Variants in PTK2B observed in about 807,000 individuals in gnomAD.
PTK2B encodes the protein protein tyrosine kinase 2 beta, also known as protein-tyrosine kinase 2-beta.
Under a neutral mutation model 142.9 loss-of-function variants are expected in PTK2B, and 71 were observed. The ratio of observed to expected loss-of-function variants is 0.50; its 90% confidence interval spans 0.41 to 0.61. The LOEUF is 0.61. Among genes scored for constraint, PTK2B ranks in the 20% least tolerant of loss-of-function variants. PTK2B has a pLI of 0.00. For missense variants in PTK2B, 1,105 were observed against 1,320.4 expected, an observed-to-expected ratio of 0.84 and a Z score of 2.53; for synonymous variants, 519 against 503.4, an observed-to-expected ratio of 1.03 and a Z score of -0.42.
In PTK2B at chr8:27,358,896, AT is replaced by A. The variant is rs576578508; in HGVS notation, c.-38+33218del. ...TTTTAATTTTTTAACACATACTTGAATTTAAGGTCTAACATTAATCAATATC... is the reference window on the plus strand; with the variant it reads ...TTTTAATTTTTTAACACATACTTGAATTAAGGTCTAACATTAATCAATATC... On this transcript the variant is annotated intron_variant, in intron 1 of 30. Transcript: ENST00000346049. 3.5e-3 allele frequency among the ~76,000 whole-genome samples: 531 copies of A among 152,246 alleles called. 1 individual carries two copies. The highest frequency in any genetic ancestry group is 0.012 in the African/African-American group (504 of 41,534).
At chr8:27,325,456 A>G (rs1803351334), upstream of PTK2B, 1 of 152,330 alleles carries the variant, frequency 6.6e-6, no homozygotes, top group South Asian at 2.1e-4. Flanking sequence ...GCCGGCACAC[A>G]CAGACAACAC....
At chr8:27,355,061 G>C (rs1008073423) in intron 1 of PTK2B, among the ~76,000 whole-genome samples, 1 of 152,184 alleles carries the variant, frequency 6.6e-6, no homozygotes, top group African/African-American at 2.4e-5. Context: ...AGGAGCATTA[G>C]CTCTAATACT....
chr8:27,331,707 G>A (rs969536587), intron 1 of PTK2B, among the ~76,000 whole-genome samples: 1 of 151,886 alleles, frequency 6.6e-6, no homozygotes, highest in Non-Finnish European at 1.5e-5. Context: ...GGCTGGTCTC[G>A]AACTCCTGAC....
At chr8:27,420,584 CCCTTGGGGT>C (rs1809683244) in intron 3 of PTK2B, 64 bp from the exon 4 acceptor site, 2 of 1,424,970 alleles carry the variant, frequency 1.4e-6, no homozygotes, top group African/African-American at 2.8e-5. Context: ...CTTGCTTCTG[CCCTTGGGGT>C]CCTACTCCTT....
chr8:27,350,629 C>G (rs971877380), intron 1 of PTK2B, among the ~76,000 whole-genome samples: 1 of 151,974 alleles, frequency 6.6e-6, no homozygotes, highest in Non-Finnish European at 1.5e-5. Flanking sequence ...TGCAAGAGGT[C>G]GGACATAACA....
intron 3 of PTK2B, among the ~76,000 whole-genome samples, chr8:27,315,555 T>C (rs1803076052): frequency 1.3e-5 from 2 of 152,168 alleles, no homozygotes; most frequent in Non-Finnish European, 2.9e-5. Context: ...TGTGTCCCAG[T>C]TGTGTTGTGA....
chr8:27,432,012 A>C, intron 9 of PTK2B: 1 of 404,216 alleles, frequency 2.5e-6, no homozygotes, highest in Admixed American at 3.9e-5. Flanking sequence ...TTTTACCTTC[A>C]TCAAGTAGTG....
intron 12 of PTK2B, 137 bp downstream of exon 12, chr8:27,434,269 T>C: frequency 8.3e-7 from 1 of 1,203,968 alleles, no homozygotes; most frequent in African/African-American, 1.5e-5. Context: ...AAGATGATCT[T>C]TCCCTCCCAA....
chr8:27,311,534 A>AG (rs1210162578), exon 1 of PTK2B: 1 of 455,860 alleles, frequency 2.2e-6, no homozygotes, highest in Non-Finnish European at 3.9e-6. Context: ...GTAGCACGGA[A>AG]GGGTCTCCCA....
chr8:27,342,046 G>GT (rs1458815534), intron 1 of PTK2B, among the ~76,000 whole-genome samples: 5 of 152,128 alleles, frequency 3.3e-5, no homozygotes, highest in African/African-American at 1.2e-4. Context: ...AGCAAGAATT[G>GT]TACTTCCCAC....
rs201296273 is a variant in PTK2B, at chr8:27,450,738, C to T, written c.2341-11C>T. ...ATTGCATCCTCTCCCTTCTCTCTGCCGTCCTCCCAGGAGGAGGACTTCATC... is the reference window on the plus strand; with the variant it reads ...ATTGCATCCTCTCCCTTCTCTCTGCTGTCCTCCCAGGAGGAGGACTTCATC... On this transcript the variant is annotated splice_polypyrimidine_tract_variant and intron_variant, in intron 24 of 30. Transcript: ENST00000346049. 4 of 1,613,820 alleles carry T rather than the reference C, an allele frequency of 2.5e-6. No homozygotes were observed. The highest frequency in any genetic ancestry group is 1.1e-5 in the South Asian group (1 of 91,072).
rs777273057 is a variant in PTK2B at position 27,356,803 on chromosome 8, T to C, written c.-38+31122T>C. Among the ~76,000 whole-genome samples the C allele has an allele frequency of 7.9e-5, 12 of 152,226 alleles. No individual in the cohort carries two copies. In the South Asian group the frequency reaches 1.0e-3, roughly 13 times the overall value. ...GTATTATGCTGAATGAAGAAAATGT[T>C]CATCTCAAAAAGTCACATACTGTAT... On this transcript the variant is annotated intron_variant, in intron 1 of 30. Coordinates refer to ENST00000346049, the MANE Select transcript of PTK2B (RefSeq NM_173176.3).
intron 1 of PTK2B, among the ~76,000 whole-genome samples, chr8:27,375,351 C>A (rs1806601386): frequency 6.6e-6 from 1 of 152,222 alleles, no homozygotes; most frequent in South Asian, 2.1e-4. Flanking sequence ...AGACCTCAAT[C>A]TGGTCTCAGC....
At chr8:27,425,205 T>A (rs1231931557) in intron 5 of PTK2B, among the ~76,000 whole-genome samples, 1 of 151,444 alleles carries the variant, frequency 6.6e-6, no homozygotes, top group Non-Finnish European at 1.5e-5. Context: ...ATAATATGTA[T>A]GTTATGTTAC....
chr8:27,421,883 A>C (rs1541845), intron 4 of PTK2B, among the ~76,000 whole-genome samples: 127,186 of 152,236 alleles, frequency 0.84, 53,690 homozygotes, highest in Middle Eastern at 0.95. Flanking sequence ...TCTGTCTGAT[A>C]TTAGTTCCTT....
At chr8:27,310,985 C>A (rs1349437466), upstream of PTK2B, 2 of 1,611,968 alleles carry the variant, frequency 1.2e-6, no homozygotes, top group East Asian at 2.2e-5. Flanking sequence ...GGCCTCCTCG[C>A]GCAGCAGCTT....
chr8:27,377,674 GCTCT>G (rs1162848441), intron 1 of PTK2B, among the ~76,000 whole-genome samples: 1 of 152,214 alleles, frequency 6.6e-6, no homozygotes, highest in African/African-American at 2.4e-5. Context: ...TACACTGTGA[GCTCT>G]CTGTCACATG....
chr8:27,384,767 T>G (rs1462786611), intron 1 of PTK2B, among the ~76,000 whole-genome samples: 1 of 152,112 alleles, frequency 6.6e-6, no homozygotes. Flanking sequence ...CTAGGTCAGG[T>G]TAAGGCTTAG....
chr8:27,423,818 G>A (rs1196838313), intron 5 of PTK2B, among the ~76,000 whole-genome samples: 3 of 152,074 alleles, frequency 2.0e-5, no homozygotes, highest in African/African-American at 4.8e-5. Flanking sequence ...TTTGGTATTA[G>A]CGACAGAATA....
Sources: allele counts gnomAD v4.1 joint callset (sites outside exome capture counted in the v4.1 genomes callset), GRCh38; gene constraint gnomAD v4.1.1; transcripts MANE v1.5; gene names NCBI Gene and HGNC (gene_info 2026-07-23, HGNC 2026-07-21).